RAB11FIP3: variants seen among roughly 807,000 people sequenced by gnomAD.
RAB11FIP3 encodes the protein RAB11 family interacting protein 3.
RAB11FIP3 carries 17 observed loss-of-function variants against 77.8 expected under a neutral mutation model. That is an observed-to-expected ratio of 0.22 (90% CI 0.15 to 0.33). RAB11FIP3 has a LOEUF of 0.33. RAB11FIP3 is among the 10% of genes least tolerant of loss of function. The pLI is 1.00. For synonymous variants in RAB11FIP3, 437 were observed against 448.2 expected, an observed-to-expected ratio of 0.98 and a Z score of 0.31; for missense variants, 1,005 against 1,011.2, an observed-to-expected ratio of 0.99 and a Z score of 0.08.
intron 1 of RAB11FIP3, among the ~76,000 whole-genome samples, chr16:429,529 C>T (rs2055002721): frequency 6.6e-6 from 1 of 151,376 alleles, no homozygotes; most frequent in South Asian, 2.1e-4. Context: ...GGAGTCTCGC[C>T]TGCTCTGTCG....
intron 1 of RAB11FIP3, among the ~76,000 whole-genome samples, chr16:436,810 C>T (rs796254409): frequency 3.3e-5 from 5 of 152,078 alleles, no homozygotes; most frequent in South Asian, 2.1e-4. Flanking sequence ...CACTGTTACC[C>T]GGATGAACCC....
intron 2 of RAB11FIP3, among the ~76,000 whole-genome samples, chr16:466,930 G>C (rs1261434466): frequency 1.3e-5 from 2 of 152,190 alleles, no homozygotes; most frequent in Admixed American, 6.5e-5. Context: ...ATTAGAGCTT[G>C]AGCCAGGCTG....
intron 3 of RAB11FIP3, among the ~76,000 whole-genome samples, chr16:479,213 A>G (rs2055983430): frequency 6.6e-6 from 1 of 152,198 alleles, no homozygotes; most frequent in East Asian, 1.9e-4. Flanking sequence ...GCAACATGGC[A>G]AAACCCCATC....
Position 462,901 on chromosome 16 carries a change from C to T in RAB11FIP3, c.808+1404C>T, listed in dbSNP as rs558449910. Among the ~76,000 whole-genome samples, 812 of 152,050 alleles carry T rather than the reference C, an allele frequency of 5.3e-3. 8 individuals are homozygous for T. The highest frequency in any genetic ancestry group is 0.019 in the African/African-American group (772 of 41,342). ...AATGTCTTCCCCAGCACAATGTCTT[C>T]CCCAGCACCATCCCTTTCCCAGCAC... On this transcript the variant is annotated intron_variant, in intron 2 of 13. Transcript: ENST00000262305.
chr16:429,720 A>G (rs1446717251), intron 1 of RAB11FIP3, among the ~76,000 whole-genome samples: 2 of 150,702 alleles, frequency 1.3e-5, no homozygotes, highest in African/African-American at 2.4e-5. Context: ...CTGGTCTTGA[A>G]CTCTTGACCT....
chr16:455,503 G>A (rs969974352), intron 1 of RAB11FIP3, among the ~76,000 whole-genome samples: 7 of 151,780 alleles, frequency 4.6e-5, no homozygotes, highest in African/African-American at 7.3e-5. Context: ...TGAGAACCGC[G>A]CACACTCTCA....
chr16:465,451 A>G (rs1167999213), intron 2 of RAB11FIP3, among the ~76,000 whole-genome samples: 1 of 152,200 alleles, frequency 6.6e-6, no homozygotes. Flanking sequence ...GTAACTGAAG[A>G]TGGCGATGTA....
intron 1 of RAB11FIP3, among the ~76,000 whole-genome samples, chr16:439,850 C>CTTTTTTTTTT (rs879539160): frequency 8.9e-5 from 13 of 146,312 alleles, no homozygotes; most frequent in African/African-American, 3.2e-4. Flanking sequence ...CAGTTGCATT[C>CTTTTTTTTTT]TTTTTTTTTT....
Position 426,713 on chromosome 16 carries a change from C to A in RAB11FIP3, c.707C>A (p.Ala236Glu). 1 of 1,507,658 alleles carries A rather than the reference C, an allele frequency of 6.6e-7. No individual in the cohort carries two copies. The highest frequency in any genetic ancestry group is 8.9e-7 in the Non-Finnish European group (1 of 1,127,752). 93.4% of individuals were successfully genotyped at this position (1,507,658 alleles called of 1,614,324 possible). A position where few individuals can be genotyped will look rare whatever the true frequency, so the allele number is the denominator to read the frequency against. The change falls in exon 1 of 14, where the codon GCA (alanine) becomes GAA (glutamate). Residue 236 changes from alanine to glutamate, a missense_variant. By Grantham distance (107) the Ala-to-Glu change is moderately radical. Around this residue, in one of 4 missense-constraint regions of RAB11FIP3, gnomAD observed 466 missense variants for 408.3 expected, o/e 1.14. Coordinates refer to ENST00000262305, the MANE Select transcript of RAB11FIP3 (RefSeq NM_014700.4). The surrounding 1 kb of genome is among the most constrained non-coding windows in gnomAD (Gnocchi z 5.0). Reference sequence around the variant, plus strand: ...ATCCAGTTTGCTACGGTCTACGGGGCAGAGCAGGTACGGAGCGGCCCGGGC... The same window carrying A: ...ATCCAGTTTGCTACGGTCTACGGGGAAGAGCAGGTACGGAGCGGCCCGGGC... ...DFIQFATVYG[A>E]EQVKDLTKYL...
Position 471,247 on chromosome 16 carries a change from C to G in RAB11FIP3, c.809-48C>G. 1 of 1,534,176 alleles carries G rather than the reference C, an allele frequency of 6.5e-7. No individual in the cohort carries two copies. Among genetic ancestry groups the G allele is most frequent in the Non-Finnish European group, 9.0e-7 (1 of 1,110,172 alleles). ...CCCGAGGCCGCCAGGGGTCCCGTCA[C>G]TGGGTGGCTATGGGTGGCCTGTTGA... On this transcript the variant is annotated intron_variant, in intron 2 of 13. Transcript: ENST00000262305. The surrounding 1 kb of genome is among the most constrained non-coding windows in gnomAD (Gnocchi z 4.4).
intron 1 of RAB11FIP3, among the ~76,000 whole-genome samples, chr16:450,736 C>T (rs910196765): frequency 6.6e-6 from 1 of 152,134 alleles, no homozygotes; most frequent in Non-Finnish European, 1.5e-5. Flanking sequence ...GAATGGAGTT[C>T]TATGAGCTGA....
At chr16:458,095 TG>T (rs1197148934) in intron 1 of RAB11FIP3, among the ~76,000 whole-genome samples, 1 of 152,232 alleles carries the variant, frequency 6.6e-6, no homozygotes, top group Non-Finnish European at 1.5e-5. Flanking sequence ...AATTCCACAC[TG>T]TGGGGTCCCT....
At chr16:470,566 C>T (rs926340738) in intron 2 of RAB11FIP3, among the ~76,000 whole-genome samples, 1 of 152,222 alleles carries the variant, frequency 6.6e-6, no homozygotes, top group Non-Finnish European at 1.5e-5. Flanking sequence ...TGTGAAGACA[C>T]CTAAGTGTCT....
At chr16:445,853 G>T (rs943047187) in intron 1 of RAB11FIP3, among the ~76,000 whole-genome samples, 16 of 152,288 alleles carry the variant, frequency 1.1e-4, no homozygotes, top group East Asian at 9.7e-4. Context: ...TGCTCCCTGG[G>T]GGAGGCAGAT....
At position 510,763 on chromosome 16, in the gene RAB11FIP3, A is replaced by C; in HGVS notation, c.1603A>C (p.Arg535=). 1 of 1,613,372 alleles carries C rather than the reference A, an allele frequency of 6.2e-7. No individual in the cohort carries two copies. Among genetic ancestry groups the C allele is most frequent in the Non-Finnish European group, 8.5e-7 (1 of 1,179,826 alleles). ...RQKELLCKME[R]EKSIEIENLQ... ...GAAGGAGCTCCTGTGCAAGATGGAGAGGGAGAAGAGCATTGAGATCGAGAA... is the reference window on the plus strand; with the variant it reads ...GAAGGAGCTCCTGTGCAAGATGGAGCGGGAGAAGAGCATTGAGATCGAGAA... The change falls in exon 9 of 14, where the codon AGG becomes CGG. Residue 535 remains arginine (R), a synonymous_variant. Coordinates refer to ENST00000262305, the MANE Select transcript of RAB11FIP3 (RefSeq NM_014700.4).
In RAB11FIP3 at chr16:472,061, A is replaced by G. The variant is rs1249733426; in HGVS notation, c.903+672A>G. Among the ~76,000 whole-genome samples, 2 of 152,180 alleles carry G rather than the reference A, an allele frequency of 1.3e-5. No individual in the cohort carries two copies. Among genetic ancestry groups the G allele is most frequent in the Non-Finnish European group, 2.9e-5 (2 of 68,028 alleles). On this transcript the variant is annotated intron_variant, in intron 3 of 13. Coordinates refer to ENST00000262305, the MANE Select transcript of RAB11FIP3 (RefSeq NM_014700.4). The surrounding 1 kb of genome is among the most constrained non-coding windows in gnomAD (Gnocchi z 4.1). The stretch of plus-strand genomic sequence containing the variant: ...GTCCTGGTCAGCCTGCTGCCGAGCA[A>G]GGGTACCAGAAGTGGGGCTGAGCTG...
chr16:445,353 C>G lies in RAB11FIP3; in HGVS notation c.715-16051C>G, dbSNP rs574982445. On this transcript the variant is annotated intron_variant, in intron 1 of 13. Coordinates refer to ENST00000262305, the MANE Select transcript of RAB11FIP3 (RefSeq NM_014700.4). ...ACTTGGGAGGCTGAGGCACGAGAAT[C>G]GCTTGAACCCAGGAGGCGGAGTTTA... is the stretch of plus-strand genomic sequence containing the variant. Among the ~76,000 whole-genome samples the G allele has an allele frequency of 2.7e-5, 4 of 149,716 alleles. No homozygotes were observed. The East Asian group carries it at 8.0e-4, about 30-fold the overall frequency.
intron 2 of RAB11FIP3, among the ~76,000 whole-genome samples, chr16:469,369 C>T (rs1398933012): frequency 6.6e-6 from 1 of 151,592 alleles, no homozygotes; most frequent in Admixed American, 6.6e-5. Flanking sequence ...CCACCATGCC[C>T]GGCCTATTTT....
In RAB11FIP3 at chr16:503,094, C is replaced by A; in HGVS notation, c.1392C>A (p.Asp464Glu). ...AGGGCCCAGAGGAGGACATTGCTGA[C>A]AAGGTAGGCCCTGGAGGGCTGGGTA... ...LMEGPEEDIA[D>E]KVVFLERRVL... is the part of the protein sequence containing the mutation. Residue 464 changes from aspartate (D) to glutamate (E), a missense_variant, in exon 7 of 14, where the codon GAC (aspartate) becomes GAA (glutamate). By Grantham distance (45) the Asp-to-Glu change is conservative. Transcript: ENST00000262305. The A allele has an allele frequency of 6.2e-7, 1 of 1,610,024 alleles. No individual in the cohort carries two copies. The highest frequency in any genetic ancestry group is 8.5e-7 in the Non-Finnish European group (1 of 1,177,284).
Sources: allele counts gnomAD v4.1 joint callset (sites outside exome capture counted in the v4.1 genomes callset), GRCh38; gene constraint gnomAD v4.1.1; regional missense constraint gnomAD v4.1.1; non-coding constraint Gnocchi (gnomAD v3.1); transcripts MANE v1.5; gene names NCBI Gene and HGNC (gene_info 2026-07-23, HGNC 2026-07-21).